Variants in EPHA6 observed in about 807,000 individuals in gnomAD.
EPHA6 encodes the protein ephrin type-A receptor 6.
In EPHA6, 50 loss-of-function variants were observed where a neutral mutation model predicts 112.0. That is an observed-to-expected ratio of 0.45 (90% CI 0.36 to 0.56). EPHA6 has a LOEUF of 0.56. Among genes scored for constraint, EPHA6 ranks in the 20% least tolerant of loss-of-function variants. EPHA6 has a pLI of 0.00. For missense variants in EPHA6, 1,280 were observed against 1,417.4 expected, an observed-to-expected ratio of 0.90 and a Z score of 1.56; for synonymous variants, 529 against 490.7, an observed-to-expected ratio of 1.08 and a Z score of -1.03.
intron 7 of EPHA6, among the ~76,000 whole-genome samples, chr3:97,456,724 AGTTCC>A (rs1446418845): frequency 4.6e-5 from 7 of 152,294 alleles, no homozygotes; most frequent in Admixed American, 4.6e-4. Flanking sequence ...GAGATAAGAG[AGTTCC>A]TGATTTATGT....
In EPHA6 at chr3:97,324,964, A is replaced by G. The variant is rs540948664; in HGVS notation, c.1607-80186A>G. ...GTGAGTCAATGAGTTTTAACATTCC[A>G]GTGTTTTCTAACCTCTTTCTAAAGA... On this transcript the variant is annotated intron_variant, in intron 5 of 17. Transcript: ENST00000389672. 2.0e-5 allele frequency among the ~76,000 whole-genome samples: 3 copies of G among 152,206 alleles called. No homozygotes were observed. The East Asian group carries it at 5.8e-4, about 30-fold the overall frequency.
chr3:97,013,750 T>A (rs2044169752), intron 3 of EPHA6, among the ~76,000 whole-genome samples: 1 of 152,212 alleles, frequency 6.6e-6, no homozygotes, highest in African/African-American at 2.4e-5. Flanking sequence ...TTTATGAAGA[T>A]ATTTCTAAAA....
chr3:97,286,688 T>A (rs1256655967), intron 5 of EPHA6, among the ~76,000 whole-genome samples: 1 of 152,068 alleles, frequency 6.6e-6, no homozygotes, highest in Admixed American at 6.5e-5. Flanking sequence ...AGCTTTTTTT[T>A]TTTTTCTTTT....
intron 5 of EPHA6, among the ~76,000 whole-genome samples, chr3:97,295,971 A>G (rs1392163785): frequency 2.6e-5 from 4 of 152,124 alleles, no homozygotes; most frequent in African/African-American, 9.7e-5. Context: ...GGGCACCAGT[A>G]TTAGCAGATC....
intron 5 of EPHA6, among the ~76,000 whole-genome samples, chr3:97,273,247 G>T (rs1472637159): frequency 1.3e-5 from 2 of 152,236 alleles, no homozygotes; most frequent in African/African-American, 4.8e-5. Flanking sequence ...AGTCCTGCCA[G>T]CAAAGATTAT....
chr3:97,597,672 T>C (rs1482393429), intron 12 of EPHA6, among the ~76,000 whole-genome samples: 7 of 152,366 alleles, frequency 4.6e-5, no homozygotes, highest in Non-Finnish European at 1.0e-4. Flanking sequence ...ACACTAACAA[T>C]GTTTATCAAT....
At chr3:96,821,238 T>G (rs962075814) in intron 1 of EPHA6, among the ~76,000 whole-genome samples, 1 of 151,954 alleles carries the variant, frequency 6.6e-6, no homozygotes, top group African/African-American at 2.4e-5. Flanking sequence ...ATGAAAATAA[T>G]TATTAAATGT....
Position 97,041,195 on chromosome 3 carries a change from C to T in EPHA6, c.1114+53202C>T, listed in dbSNP as rs182411636. Among the ~76,000 whole-genome samples the T allele has an allele frequency of 8.7e-4, 132 of 152,212 alleles. 1 individual carries two copies. In the Middle Eastern group the frequency reaches 0.017, roughly 20 times the overall value. The stretch of plus-strand genomic sequence containing the variant: ...TGTGGGGTCAGTTTTCTCAGTCTTC[C>T]TGTGCATTCTCACAGCATTACAGAT... On this transcript the variant is annotated intron_variant, in intron 3 of 17. Transcript: ENST00000389672.
intron 11 of EPHA6, among the ~76,000 whole-genome samples, chr3:97,551,864 T>C (rs1384274714): frequency 6.6e-6 from 1 of 152,158 alleles, no homozygotes. Context: ...ACAAAGCTAC[T>C]GGAGGGACTT....
rs2035883347 is a variant in EPHA6, at chr3:97,750,827, A to C, written c.*2126A>C. ...GGAAGAGTCTTTAGATGTTTCTTAA[A>C]ATATACAAAAAAAGGTAGGGGGTGA... On this transcript the variant is annotated 3_prime_UTR_variant, in exon 18 of 18. Coordinates refer to ENST00000389672, the MANE Select transcript of EPHA6 (RefSeq NM_001080448.3). 6.6e-6 allele frequency among the ~76,000 whole-genome samples: 1 copy of C among 152,156 alleles called. No individual in the cohort carries two copies. The highest frequency in any genetic ancestry group is 1.5e-5 in the Non-Finnish European group (1 of 68,018).
At chr3:97,312,716 CT>C (rs796778266) in intron 5 of EPHA6, among the ~76,000 whole-genome samples, 5 of 151,090 alleles carry the variant, frequency 3.3e-5, no homozygotes, top group African/African-American at 1.2e-4. Context: ...TTATCCATTT[CT>C]TTTTCTGCAT....
chr3:97,568,336 G>A (rs898165289), intron 11 of EPHA6, among the ~76,000 whole-genome samples: 4 of 152,068 alleles, frequency 2.6e-5, no homozygotes, highest in Non-Finnish European at 4.4e-5. Flanking sequence ...ATGCACTGCC[G>A]TAGGAGTGAT....
intron 2 of EPHA6, among the ~76,000 whole-genome samples, chr3:96,904,223 A>T (rs192076881): frequency 0.023 from 3,505 of 152,100 alleles, 140 homozygotes; most frequent in African/African-American, 0.08. Context: ...TCCAACAATG[A>T]TAGACTGGAT....
chr3:96,868,228 A>G (rs558590175), intron 2 of EPHA6, among the ~76,000 whole-genome samples: 1 of 151,202 alleles, frequency 6.6e-6, no homozygotes, highest in African/African-American at 2.4e-5. Flanking sequence ...AATCTTATGA[A>G]CAGTAGAATG....
chr3:97,694,054 A>G (rs111778346), intron 14 of EPHA6, among the ~76,000 whole-genome samples: 7 of 152,158 alleles, frequency 4.6e-5, no homozygotes, highest in South Asian at 2.1e-4. Context: ...TATTTTAGCT[A>G]TTTAAATCAC....
At chr3:97,541,744 T>C (rs2092856389) in intron 11 of EPHA6, among the ~76,000 whole-genome samples, 1 of 145,580 alleles carries the variant, frequency 6.9e-6, no homozygotes, top group Non-Finnish European at 1.5e-5. Context: ...TTTTTTTGTT[T>C]GTTTGTTTTA....
intron 9 of EPHA6, among the ~76,000 whole-genome samples, chr3:97,480,974 C>A (rs1019537052): frequency 6.6e-6 from 1 of 151,226 alleles, no homozygotes; most frequent in Admixed American, 6.6e-5. Context: ...CGGGAAGAGG[C>A]GCTCCTCACT....
intron 3 of EPHA6, among the ~76,000 whole-genome samples, chr3:97,061,830 G>A (rs949013858): frequency 6.6e-6 from 1 of 152,098 alleles, no homozygotes; most frequent in Admixed American, 6.5e-5. Flanking sequence ...TTATACTATA[G>A]TATGTCCTGG....
At chr3:96,898,023 A>T (rs1473719550) in intron 2 of EPHA6, among the ~76,000 whole-genome samples, 1 of 152,196 alleles carries the variant, frequency 6.6e-6, no homozygotes. Context: ...AAAACCTAAA[A>T]ATGAAAAAAG....
Sources: allele counts gnomAD v4.1 joint callset (sites outside exome capture counted in the v4.1 genomes callset), GRCh38; gene constraint gnomAD v4.1.1; transcripts MANE v1.5; gene names NCBI Gene and HGNC (gene_info 2026-07-23, HGNC 2026-07-21).